Variants in ANK3 observed in about 807,000 individuals in gnomAD.
The protein encoded by ANK3 is ankyrin 3.
Under a neutral mutation model 370.9 loss-of-function variants are expected in ANK3, and 57 were observed. The ratio of observed to expected loss-of-function variants is 0.15; its 90% CI spans 0.12 to 0.19. The LOEUF (loss-of-function observed/expected upper bound fraction) is 0.19. Among genes scored for constraint, ANK3 ranks in the 10% least tolerant of loss-of-function variants. The pLI, the probability that ANK3 is intolerant of heterozygous loss-of-function variation, is 1.00. For missense variants in ANK3, 4,439 were observed against 5,302.1 expected, an observed-to-expected ratio of 0.84 and a Z score of 5.06; for synonymous variants, 1,929 against 1,946.3, an observed-to-expected ratio of 0.99 and a Z score of 0.23.
intron 16 of ANK3, among the ~76,000 whole-genome samples, chr10:60,195,125 C>T (rs902326814): frequency 2.0e-5 from 3 of 152,114 alleles, no homozygotes; most frequent in East Asian, 1.9e-4. Flanking sequence ...CGGTGTGTCA[C>T]GCCTGTAATT....
At chr10:60,282,010 G>GT (rs1350143176) in intron 1 of ANK3, among the ~76,000 whole-genome samples, 3 of 152,196 alleles carry the variant, frequency 2.0e-5, no homozygotes, top group African/African-American at 7.2e-5. Context: ...TTAGAGGTTA[G>GT]TTTTTTGTTT....
chr10:60,132,622 A>ATTTT (rs113211840), intron 25 of ANK3, among the ~76,000 whole-genome samples: 78 of 144,706 alleles, frequency 5.4e-4, no homozygotes, highest in Admixed American at 1.5e-3. Context: ...CCTATAATCA[A>ATTTT]TTTTTTTTTT....
chr10:60,138,476 A>T, intron 24 of ANK3: 2 of 393,308 alleles, frequency 5.1e-6, no homozygotes, highest in Non-Finnish European at 9.0e-6. Context: ...TTTAGAAGAG[A>T]TACTCAAACA....
At chr10:60,658,855 AGGAGAGGT>A (rs2078900217) in intron 1 of ANK3, among the ~76,000 whole-genome samples, 1 of 151,500 alleles carries the variant, frequency 6.6e-6, no homozygotes. Context: ...AGGGAAGCAG[AGGAGAGGT>A]GAAGAGGTGA....
At chr10:60,300,408 G>A in intron 1 of ANK3, 1 of 1,289,406 alleles carries the variant, frequency 7.8e-7, no homozygotes, top group Non-Finnish European at 1.0e-6. Context: ...ACTTTGGACA[G>A]AGCATCACAT....
At chr10:60,648,726 C>T (rs143111030) in intron 1 of ANK3, among the ~76,000 whole-genome samples, 1,642 of 146,236 alleles carry the variant, frequency 0.011, 23 homozygotes, top group African/African-American at 0.038. Context: ...GCTGAGTTCA[C>T]GCCACTGAAC....
intron 2 of ANK3, among the ~76,000 whole-genome samples, chr10:60,527,302 C>G (rs551138882): frequency 6.6e-6 from 1 of 152,198 alleles, no homozygotes; most frequent in South Asian, 2.1e-4. Flanking sequence ...GGAAGATAAG[C>G]ACCAGATCTC....
At chr10:60,144,254 A>T (rs921076333) in intron 23 of ANK3, 1 of 426,496 alleles carries the variant, frequency 2.3e-6, no homozygotes, top group Non-Finnish European at 4.6e-6. Context: ...ACAAGGTCCA[A>T]AGGTAAACCA....
At chr10:60,547,660 CAGACAGAGAGACAG>C (rs1290783573) in intron 2 of ANK3, among the ~76,000 whole-genome samples, 3 of 125,802 alleles carry the variant, frequency 2.4e-5, no homozygotes, top group Non-Finnish European at 3.4e-5. Context: ...GTGGTGGAGA[CAGACAGAGAGACAG>C]AGAGAGAGAG....
At chr10:60,708,602 A>G (rs1428518926) in intron 1 of ANK3, among the ~76,000 whole-genome samples, 1 of 152,190 alleles carries the variant, frequency 6.6e-6, no homozygotes, top group African/African-American at 2.4e-5. Context: ...CTTAATAAAG[A>G]GTTTCCTCAA....
intron 25 of ANK3, among the ~76,000 whole-genome samples, chr10:60,120,549 T>C (rs1465385139): frequency 6.6e-6 from 1 of 152,038 alleles, no homozygotes; most frequent in Non-Finnish European, 1.5e-5. Flanking sequence ...TGGGAGAATG[T>C]ATTGACAAAC....
At chr10:60,680,019 C>T (rs921613715) in intron 1 of ANK3, among the ~76,000 whole-genome samples, 3 of 151,330 alleles carry the variant, frequency 2.0e-5, no homozygotes, top group Non-Finnish European at 2.9e-5. Flanking sequence ...CCTGCAGTCC[C>T]GGCTACTCAG....
At chr10:60,134,215 T>A in intron 25 of ANK3, 56 bp downstream of exon 25, 1 of 1,393,794 alleles carries the variant, frequency 7.2e-7, no homozygotes. Context: ...AGAGCTTGAT[T>A]AAATCATACA....
intron 2 of ANK3, among the ~76,000 whole-genome samples, chr10:60,557,127 T>C (rs375462071): frequency 1.3e-5 from 2 of 152,300 alleles, no homozygotes; most frequent in African/African-American, 4.8e-5. Context: ...CATATGACCA[T>C]TGATTCCACT....
chr10:60,196,167 G>C lies in ANK3; in HGVS notation c.1865C>G (p.Ala622Gly). ...KVALLLLDQG[A>G]SPHAAAKNGY... ...TACCTTTGCGGCTGCGTGAGGTGAG[G>C]CTCCTTGGTCCAAAAGCAGAAGGGC... Residue 622 changes from alanine (A) to glycine (G), a missense_variant, in exon 16 of 44, where the codon GCC (alanine) becomes GGC (glycine). Ala to Gly is a moderately conservative substitution (Grantham distance 60). Coordinates refer to ENST00000280772, the MANE Select transcript of ANK3 (RefSeq NM_020987.5). 6.2e-7 allele frequency: 1 copy of C among 1,613,868 alleles called. No homozygotes were observed. Among genetic ancestry groups the C allele is most frequent in the Middle Eastern group, 1.7e-4 (1 of 6,056 alleles).
intron 28 of ANK3, among the ~76,000 whole-genome samples, chr10:60,098,118 G>A (rs1380153254): frequency 6.6e-6 from 1 of 152,014 alleles, no homozygotes; most frequent in African/African-American, 2.4e-5. Context: ...ATGTGATTAG[G>A]ATGAGCAGTT....
At chr10:60,212,633 T>A (rs1677512550) in intron 9 of ANK3, among the ~76,000 whole-genome samples, 1 of 152,182 alleles carries the variant, frequency 6.6e-6, no homozygotes, top group African/African-American at 2.4e-5. Context: ...ATCTCAACCC[T>A]GTCTAGCCTT....
rs2095838317 is a variant in ANK3 at position 60,173,093 on chromosome 10, T to C, written c.2278A>G (p.Thr760Ala). 1 of 1,613,708 alleles carries C rather than the reference T, an allele frequency of 6.2e-7. No homozygotes were observed. The highest frequency in any genetic ancestry group is 8.5e-7 in the Non-Finnish European group (1 of 1,179,830). ...CAAAAAAGGAAGGAGCTTACCTTTG[T>C]TTTGGCATTAACTTTTGCAGAATGC... is the stretch of plus-strand genomic sequence containing the variant. ...LQHSAKVNAK[T>A]KNGYTPLHQA... The change falls in exon 19 of 44, where the codon ACA becomes GCA. Residue 760 changes from threonine to alanine, a missense_variant. This residue lies in a region of ANK3 where 702 missense variants were observed against 941.5 expected (regional missense o/e 0.75). Coordinates refer to ENST00000280772, the MANE Select transcript of ANK3 (RefSeq NM_020987.5).
intron 1 of ANK3, among the ~76,000 whole-genome samples, chr10:60,371,824 G>A (rs1425484350): frequency 4.6e-5 from 7 of 152,174 alleles, no homozygotes; most frequent in Non-Finnish European, 1.0e-4. Context: ...ATCTGTTCTA[G>A]TGAATTTTAG....
Sources: gnomAD v4.1 joint callset for allele counts (sites outside exome capture counted in the v4.1 genomes callset) on GRCh38, gnomAD v4.1.1 for gene constraint, gnomAD v4.1.1 regional missense constraint, MANE v1.5 for transcripts, NCBI Gene and HGNC (gene_info 2026-07-23, HGNC 2026-07-21) for gene names.